Variants in CFAP299 observed in about 807,000 individuals in gnomAD.
The protein encoded by CFAP299 is cilia and flagella associated protein 299.
Under a neutral mutation model 27.0 loss-of-function variants are expected in CFAP299, and 21 were observed. That is an observed-to-expected ratio of 0.78 (90% confidence interval 0.55 to 1.12). The LOEUF is 1.12. Ranked by LOEUF, CFAP299 falls within the 50% of genes most tolerant of loss-of-function variation. The pLI is 0.00. For missense variants in CFAP299, 310 were observed against 276.6 expected (o/e 1.12, Z -0.86); for synonymous variants, 104 against 98.1 (o/e 1.06, Z -0.36).
rs149336944 is a variant in CFAP299 at position 80,731,444 on chromosome 4, T to A, written c.334-138549T>A. Among the ~76,000 whole-genome samples, 1,428 of 152,360 alleles carry A rather than the reference T, an allele frequency of 9.4e-3. 18 individuals carry two copies. Among genetic ancestry groups the A allele is most frequent in the South Asian group, 0.062 (298 of 4,830 alleles). On this transcript the variant is annotated intron_variant, in intron 3 of 5. Coordinates refer to ENST00000358105, the MANE Select transcript of CFAP299 (RefSeq NM_152770.3). Reference sequence around the variant, plus strand: ...GCCCAATAATGGCTTGTAAAATAACTTTCAAATTAGAAGGAGTCAAGCATT... The same window carrying A: ...GCCCAATAATGGCTTGTAAAATAACATTCAAATTAGAAGGAGTCAAGCATT...
At chr4:80,365,889 A>G (rs1370374673) in intron 2 of CFAP299, among the ~76,000 whole-genome samples, 2 of 152,352 alleles carry the variant, frequency 1.3e-5, no homozygotes, top group East Asian at 3.9e-4. Flanking sequence ...TCCTCTATGC[A>G]ATAGTCTCTT....
chr4:80,611,441 T>C (rs927340356), intron 3 of CFAP299, among the ~76,000 whole-genome samples: 3 of 152,078 alleles, frequency 2.0e-5, no homozygotes, highest in Admixed American at 2.0e-4. Context: ...GTATACACAA[T>C]CTACAACGGC....
intron 3 of CFAP299, among the ~76,000 whole-genome samples, chr4:80,800,506 ATATAAT>A (rs1728447568): frequency 1.6e-3 from 1 of 642 alleles, no homozygotes; most frequent in African/African-American, 3.2e-3. Flanking sequence ...ATAATATATT[ATATAAT>A]ATATAATATA....
chr4:80,671,487 G>C (rs1741479832), intron 3 of CFAP299, among the ~76,000 whole-genome samples: 1 of 152,162 alleles, frequency 6.6e-6, no homozygotes, highest in South Asian at 2.1e-4. Flanking sequence ...GCTCTTTTGT[G>C]GTTCCGTATG....
chr4:80,862,070 T>C (rs767447745), intron 3 of CFAP299, among the ~76,000 whole-genome samples: 2 of 152,162 alleles, frequency 1.3e-5, no homozygotes, highest in Non-Finnish European at 2.9e-5. Context: ...TCACCGGCAA[T>C]TCAAAATAAA....
chr4:80,677,406 G>T (rs1451252656), intron 3 of CFAP299, among the ~76,000 whole-genome samples: 5 of 151,946 alleles, frequency 3.3e-5, no homozygotes, highest in African/African-American at 1.2e-4. Context: ...TTACTAAGTT[G>T]TATGCAACAA....
chr4:80,707,677 G>C (rs1292513448), intron 3 of CFAP299, among the ~76,000 whole-genome samples: 14 of 151,986 alleles, frequency 9.2e-5, no homozygotes, highest in Admixed American at 9.2e-4. Flanking sequence ...ACCTTGCCAA[G>C]TATTTTGTTA....
intron 2 of CFAP299, among the ~76,000 whole-genome samples, chr4:80,417,249 G>T (rs991006775): frequency 6.6e-6 from 1 of 152,146 alleles, no homozygotes; most frequent in Non-Finnish European, 1.5e-5. Context: ...ACAACCAGAG[G>T]TTACTCTTAT....
intron 2 of CFAP299, among the ~76,000 whole-genome samples, chr4:80,446,630 G>C (rs1035767692): frequency 6.6e-6 from 1 of 152,044 alleles, no homozygotes; most frequent in African/African-American, 2.4e-5. Context: ...AAATACAGCT[G>C]TCTTCTATCC....
chr4:80,687,487 T>A (rs984092748), intron 3 of CFAP299, among the ~76,000 whole-genome samples: 1 of 152,178 alleles, frequency 6.6e-6, no homozygotes, highest in South Asian at 2.1e-4. Flanking sequence ...GAATTTCAAC[T>A]GAGGTGAGCC....
chr4:80,798,831 G>A (rs961139199), intron 3 of CFAP299, among the ~76,000 whole-genome samples: 7 of 151,708 alleles, frequency 4.6e-5, no homozygotes, highest in African/African-American at 1.7e-4. Context: ...TGCCTCTCAC[G>A]AGCAGTGAAT....
intron 1 of CFAP299, among the ~76,000 whole-genome samples, chr4:80,357,657 A>G (rs1433456297): frequency 6.6e-6 from 1 of 151,770 alleles, no homozygotes; most frequent in Non-Finnish European, 1.5e-5. Context: ...ATGTTTGTTT[A>G]TATTTATCTG....
chr4:80,671,262 T>C (rs7671538), intron 3 of CFAP299, among the ~76,000 whole-genome samples: 142,007 of 152,294 alleles, frequency 0.93, 66,281 homozygotes, highest in East Asian at 1. Flanking sequence ...TTCCCCATTT[T>C]TTGTTTTTGT....
At chr4:80,608,392 T>C in intron 3 of CFAP299, 4 of 1,516,562 alleles carry the variant, frequency 2.6e-6, no homozygotes, top group Non-Finnish European at 3.5e-6. Flanking sequence ...CAGTAAGTAC[T>C]GCTTATGGAA....
chr4:80,405,247 G>T (rs1578407719), intron 2 of CFAP299, among the ~76,000 whole-genome samples: 1 of 152,144 alleles, frequency 6.6e-6, no homozygotes, highest in African/African-American at 2.4e-5. Context: ...GCTGTGTCTT[G>T]CCTGTGGTAG....
rs1733266752 is a variant in CFAP299 at position 80,874,402 on chromosome 4, A to C, written c.476+4267A>C. Among the ~76,000 whole-genome samples the C allele has an allele frequency of 2.6e-5, 4 of 152,220 alleles. No individual in the cohort carries two copies. The South Asian group carries it at 8.3e-4, about 31-fold the overall frequency. ...GGTTCTCTTCCAACCACTGAGTTAG[A>C]ATTAGTATATTAACATGATCCTCAA... On this transcript the variant is annotated intron_variant, in intron 4 of 5. Transcript: ENST00000358105.
intron 4 of CFAP299, among the ~76,000 whole-genome samples, chr4:80,937,312 CTTT>C (rs70956081): frequency 2.3e-3 from 155 of 68,630 alleles, no homozygotes; most frequent in Middle Eastern, 0.011. Context: ...TTTTTTCTTT[CTTT>C]TTTTTTTTTT....
chr4:80,432,533 AT>A (rs58017511), intron 2 of CFAP299, among the ~76,000 whole-genome samples: 27 of 120,948 alleles, frequency 2.2e-4, no homozygotes, highest in African/African-American at 6.5e-4. Context: ...TTTACACTCT[AT>A]TTTTTTTTTT....
chr4:80,946,485 A>G (rs1480738335), intron 5 of CFAP299, among the ~76,000 whole-genome samples: 1 of 152,214 alleles, frequency 6.6e-6, no homozygotes, highest in East Asian at 1.9e-4. Flanking sequence ...TTCCATTGTA[A>G]GAAGTTAGTC....
Sources: gnomAD v4.1 joint callset for allele counts (sites outside exome capture counted in the v4.1 genomes callset) on GRCh38, gnomAD v4.1.1 for gene constraint, MANE v1.5 for transcripts, NCBI Gene and HGNC (gene_info 2026-07-23, HGNC 2026-07-21) for gene names.